TSPAN5: variants seen among roughly 807,000 people sequenced by gnomAD.
TSPAN5 encodes the protein tetraspanin 5, also known as tetraspanin-5.
Under a neutral mutation model 37.1 loss-of-function variants are expected in TSPAN5, and 10 were observed. That is an observed-to-expected ratio of 0.27 (90% confidence interval 0.17 to 0.46). The LOEUF is 0.46. Among genes scored for constraint, TSPAN5 ranks in the 20% least tolerant of loss-of-function variants. TSPAN5 has a pLI of 1.00. For missense variants in TSPAN5, 195 were observed against 326.6 expected, an observed-to-expected ratio of 0.60 and a Z score of 3.11; for synonymous variants, 110 against 118.9, an observed-to-expected ratio of 0.93 and a Z score of 0.48.
chr4:98,524,602 A>C (rs558884085), intron 1 of TSPAN5, among the ~76,000 whole-genome samples: 3 of 152,172 alleles, frequency 2.0e-5, no homozygotes, highest in East Asian at 3.9e-4. Flanking sequence ...TATTGAAGGA[A>C]GATTTCCTCC....
intron 2 of TSPAN5, among the ~76,000 whole-genome samples, chr4:98,488,071 C>A (rs1452684297): frequency 6.6e-6 from 1 of 152,098 alleles, no homozygotes; most frequent in East Asian, 1.9e-4. Flanking sequence ...CAAAGCACTC[C>A]CAATAACCTG....
At chr4:98,634,165 A>G (rs957316014) in intron 1 of TSPAN5, among the ~76,000 whole-genome samples, 8 of 152,182 alleles carry the variant, frequency 5.3e-5, no homozygotes, top group African/African-American at 1.7e-4. Context: ...CATACTCTCC[A>G]TTTCACAAAG....
chr4:98,508,683 C>A (rs1039695745), intron 1 of TSPAN5, among the ~76,000 whole-genome samples: 1 of 151,940 alleles, frequency 6.6e-6, no homozygotes, highest in African/African-American at 2.4e-5. Flanking sequence ...TGCCACCATG[C>A]CTGGCTAATT....
chr4:98,646,892 C>T (rs1757081051), intron 1 of TSPAN5, among the ~76,000 whole-genome samples: 1 of 152,160 alleles, frequency 6.6e-6, no homozygotes. Flanking sequence ...CACATATTAA[C>T]TCCTCAAATC....
At chr4:98,508,522 CTTT>C (rs34342433) in intron 1 of TSPAN5, among the ~76,000 whole-genome samples, 5 of 121,922 alleles carry the variant, frequency 4.1e-5, no homozygotes, top group Non-Finnish European at 5.1e-5. Flanking sequence ...TACTGTTTTT[CTTT>C]TTTTTTTTTT....
rs192867595 is a variant in TSPAN5 at position 98,615,487 on chromosome 4, C to G, written c.81+42659G>C. Among the ~76,000 whole-genome samples the G allele has an allele frequency of 1.3e-3, 205 of 152,274 alleles. 1 individual carries two copies. The highest frequency in any genetic ancestry group is 4.2e-3 in the Admixed American group (65 of 15,298). On this transcript the variant is annotated intron_variant, in intron 1 of 7. Transcript: ENST00000305798. ...ATTCTCAAATGCAGAGATTTCCGAA[C>G]AATGCTTTTAGGGAAAAGAAAAAAC... is the stretch of plus-strand genomic sequence containing the variant.
intron 1 of TSPAN5, among the ~76,000 whole-genome samples, chr4:98,620,427 C>T (rs1379565671): frequency 1.3e-5 from 2 of 152,174 alleles, no homozygotes; most frequent in Non-Finnish European, 2.9e-5. Flanking sequence ...TCACATTCTC[C>T]CATCATGGAG....
intron 1 of TSPAN5, among the ~76,000 whole-genome samples, chr4:98,657,092 T>C (rs1757308515): frequency 6.6e-6 from 1 of 152,118 alleles, no homozygotes; most frequent in Non-Finnish European, 1.5e-5. Flanking sequence ...GAGGATGAGA[T>C]GGGATGAGAA....
intron 1 of TSPAN5, among the ~76,000 whole-genome samples, chr4:98,592,179 C>T (rs2110209260): frequency 6.7e-6 from 1 of 149,262 alleles, no homozygotes; most frequent in African/African-American, 2.5e-5. Context: ...TTATCTCATG[C>T]CATACGGAAA....
rs114055833 is a variant in TSPAN5 at position 98,655,752 on chromosome 4, C to A, written c.81+2394G>T. ...AGAAGCAAGCTGCCAAGCTACTGAC[C>A]CCAGCTTTTCAGTCACTAACATCTT... On this transcript the variant is annotated intron_variant, in intron 1 of 7. Transcript: ENST00000305798. Among the ~76,000 whole-genome samples, 1,362 of 152,230 alleles carry A rather than the reference C, an allele frequency of 8.9e-3. 16 individuals carry two copies. Among genetic ancestry groups the A allele is most frequent in the African/African-American group, 0.031 (1,268 of 41,550 alleles).
At chr4:98,494,611 A>G (rs545279869) in intron 2 of TSPAN5, among the ~76,000 whole-genome samples, 1 of 152,104 alleles carries the variant, frequency 6.6e-6, no homozygotes, top group Non-Finnish European at 1.5e-5. Context: ...TTCGAATATA[A>G]TAAGAATTAA....
intron 2 of TSPAN5, 88 bp downstream of exon 2, chr4:98,507,590 G>T: frequency 1.0e-6 from 1 of 958,758 alleles, no homozygotes; most frequent in Non-Finnish European, 1.6e-6. Flanking sequence ...ATACTCTGTG[G>T]TTGTCAAAGA....
At chr4:98,536,673 C>T (rs1754240351) in intron 1 of TSPAN5, among the ~76,000 whole-genome samples, 1 of 152,256 alleles carries the variant, frequency 6.6e-6, no homozygotes, top group Non-Finnish European at 1.5e-5. Context: ...GGGGCTGCTA[C>T]CTTTTTGTCA....
At chr4:98,509,870 G>A (rs1416100490) in intron 1 of TSPAN5, 1 of 152,210 alleles carries the variant, frequency 6.6e-6, no homozygotes, top group African/African-American at 2.4e-5. Flanking sequence ...AGGAAGCACA[G>A]AAGCACAGAG....
chr4:98,639,484 A>AT (rs147127835), intron 1 of TSPAN5, among the ~76,000 whole-genome samples: 28,563 of 136,578 alleles, frequency 0.21, 3,306 homozygotes, highest in Middle Eastern at 0.28. Flanking sequence ...TGACTGGCTA[A>AT]TTTTTTTTTT....
At chr4:98,554,354 G>A (rs760832329) in intron 1 of TSPAN5, among the ~76,000 whole-genome samples, 5 of 152,202 alleles carry the variant, frequency 3.3e-5, no homozygotes, top group African/African-American at 9.6e-5. Context: ...TGATTCCAAA[G>A]CCCTGCAATG....
intron 1 of TSPAN5, among the ~76,000 whole-genome samples, chr4:98,653,293 C>T (rs1046123926): frequency 6.6e-6 from 1 of 152,060 alleles, no homozygotes; most frequent in Non-Finnish European, 1.5e-5. Flanking sequence ...AGTCTCCCTC[C>T]TCTCTGAATT....
At chr4:98,495,641 G>T (rs752343332) in intron 2 of TSPAN5, among the ~76,000 whole-genome samples, 2 of 151,832 alleles carry the variant, frequency 1.3e-5, no homozygotes, top group Non-Finnish European at 2.9e-5. Flanking sequence ...CCATGCTTCT[G>T]CAATAAAGGA....
intron 2 of TSPAN5, 59 bp from the exon 3 acceptor site, chr4:98,486,943 T>G (rs1414084659): frequency 1.1e-5 from 18 of 1,582,258 alleles, no homozygotes; most frequent in Non-Finnish European, 1.5e-5. Flanking sequence ...TTTTCCAACA[T>G]GTAAAGATTA....
Sources: allele counts gnomAD v4.1 joint callset (sites outside exome capture counted in the v4.1 genomes callset), GRCh38; gene constraint gnomAD v4.1.1; transcripts MANE v1.5; gene names NCBI Gene and HGNC (gene_info 2026-07-23, HGNC 2026-07-21).